Variants in EOGT observed in about 807,000 individuals in gnomAD.
EOGT encodes the protein EGF domain-specific O-linked N-acetylglucosamine transferase.
A neutral mutation model predicts 70.5 loss-of-function variants in EOGT; 55 were observed. The ratio of observed to expected loss-of-function variants is 0.78; its 90% CI spans 0.63 to 0.98. The LOEUF is 0.98. Among genes scored for constraint, EOGT ranks in the 50% least tolerant of loss-of-function variants. EOGT has a pLI of 0.00. For synonymous variants in EOGT, 246 were observed against 217.1 expected, an observed-to-expected ratio of 1.13 and a Z score of -1.17; for missense variants, 703 against 641.9, an observed-to-expected ratio of 1.10 and a Z score of -1.03.
In EOGT at chr3:69,001,683, T is replaced by C. The variant is rs1013190803; in HGVS notation, c.652A>G (p.Asn218Asp). The change falls in exon 9 of 18, where the codon AAC (asparagine) becomes GAC (aspartate). Residue 218 changes from asparagine (N) to aspartate (D), a missense_variant. Transcript: ENST00000383701. ...FAELQSYTQL[N>D]FRPIEDAKCD... Reference sequence around the variant, plus strand: ...TTAGCATCTTCTATAGGTCTGAAGTTGAGCTGAGTATAGCTTTGTAGCTCA... The same window carrying C: ...TTAGCATCTTCTATAGGTCTGAAGTCGAGCTGAGTATAGCTTTGTAGCTCA... The C allele has an allele frequency of 1.1e-5, 18 of 1,612,076 alleles. No individual in the cohort carries two copies. The highest frequency in any genetic ancestry group is 1.5e-5 in the Non-Finnish European group (18 of 1,179,392).
At chr3:68,999,736 A>G (rs1036127894) in intron 9 of EOGT, among the ~76,000 whole-genome samples, 2 of 152,220 alleles carry the variant, frequency 1.3e-5, no homozygotes, top group East Asian at 1.9e-4. Flanking sequence ...TAGAGCACAC[A>G]TGAGCTCTTT....
intron 7 of EOGT, among the ~76,000 whole-genome samples, chr3:69,004,890 C>T (rs1438229188): frequency 6.6e-6 from 1 of 151,906 alleles, no homozygotes; most frequent in Non-Finnish European, 1.5e-5. Context: ...GTTAGAAGAC[C>T]CCATCTCTTC....
chr3:68,979,890 C>T (rs1212320934), intron 15 of EOGT, 103 bp from the exon 16 acceptor site: 3 of 1,156,294 alleles, frequency 2.6e-6, no homozygotes, highest in African/African-American at 1.6e-5. Flanking sequence ...AAGTGTATTG[C>T]CCATTTTAAA....
intron 14 of EOGT, among the ~76,000 whole-genome samples, chr3:68,984,583 C>T (rs962114645): frequency 3.3e-5 from 5 of 152,138 alleles, no homozygotes; most frequent in African/African-American, 4.8e-5. Flanking sequence ...CAAAGTATAG[C>T]CAAAGGTGCT....
rs1391786061 is a variant in EOGT, at chr3:68,977,008, A to T, written c.*610T>A. 6.6e-6 allele frequency: 1 copy of T among 152,438 alleles called. No individual in the cohort carries two copies. The highest frequency in any genetic ancestry group is 1.5e-5 in the Non-Finnish European group (1 of 68,118). The allele number at this position is 152,438 out of a possible 1,614,324, so 9.4% of individuals were successfully genotyped here. A position where few individuals can be genotyped will look rare whatever the true frequency, so the allele number is the denominator to read the frequency against. On this transcript the variant is annotated 3_prime_UTR_variant, in exon 18 of 18. Transcript: ENST00000383701. ...AACTCCGTCTCTATCAAAAATACAAAAATCAACTGGGCGTGGTGGTGCACG... is the reference window on the plus strand; with the variant it reads ...AACTCCGTCTCTATCAAAAATACAATAATCAACTGGGCGTGGTGGTGCACG...
intron 3 of EOGT, among the ~76,000 whole-genome samples, chr3:69,011,193 C>CTTTTTTTTTTTTTTTTTTTT (rs57904466): frequency 2.6e-5 from 3 of 113,298 alleles, no homozygotes; most frequent in Non-Finnish European, 3.4e-5. Context: ...GATCTTTGTT[C>CTTTTTTTTTTTTTTTTTTTT]TTTTTTTTTT....
intron 10 of EOGT, among the ~76,000 whole-genome samples, chr3:68,989,862 G>A (rs970138587): frequency 4.0e-5 from 6 of 151,452 alleles, no homozygotes; most frequent in Admixed American, 4.0e-4. Context: ...GATCACTTGA[G>A]CCTTGAAGTT....
At chr3:69,001,016 G>T (rs572225978) in intron 9 of EOGT, among the ~76,000 whole-genome samples, 11 of 151,394 alleles carry the variant, frequency 7.3e-5, no homozygotes, top group Non-Finnish European at 1.2e-4. Flanking sequence ...GAGTGCAGCG[G>T]CACGATCTTG....
intron 16 of EOGT, 23 bp downstream of exon 16, chr3:68,979,645 T>C: frequency 6.2e-7 from 1 of 1,611,702 alleles, no homozygotes; most frequent in Admixed American, 1.7e-5. Flanking sequence ...TGCTTCAGTG[T>C]AAAACTGCCT....
intron 2 of EOGT, 67 bp downstream of exon 2, chr3:69,012,448 C>A (rs1331881744): frequency 6.6e-6 from 1 of 152,352 alleles, no homozygotes; most frequent in African/African-American, 2.4e-5. Flanking sequence ...TTGTTATGAC[C>A]AAGCCCTGAC....
chr3:69,005,117 G>A (rs773145957), intron 7 of EOGT, 23 bp downstream of exon 7: 3 of 1,257,890 alleles, frequency 2.4e-6, no homozygotes, highest in Non-Finnish European at 3.4e-6. Context: ...TATACTAGAT[G>A]TTAACATTAA....
In EOGT at chr3:68,975,548, C is replaced by A. The variant is rs910169983; in HGVS notation, c.*2070G>T. ...ACAAACGGTGAAACTTTTTTCAGAT[C>A]ATTTTTTCAGAAGTCAATGCCTTGC... On this transcript the variant is annotated 3_prime_UTR_variant, in exon 18 of 18. Transcript: ENST00000383701. The A allele has an allele frequency of 6.6e-6, 1 of 152,214 alleles. No homozygotes were observed. Among genetic ancestry groups the A allele is most frequent in the African/African-American group, 2.4e-5 (1 of 41,334 alleles). 9.4% of individuals were successfully genotyped at this position (152,214 alleles called of 1,614,324 possible). A position where few individuals can be genotyped will look rare whatever the true frequency, so the allele number is the denominator to read the frequency against.
At chr3:68,984,641 G>A (rs2090752685) in intron 14 of EOGT, among the ~76,000 whole-genome samples, 1 of 152,128 alleles carries the variant, frequency 6.6e-6, no homozygotes, top group South Asian at 2.1e-4. Flanking sequence ...CAATCCTCAA[G>A]AAAGAAGCAG....
intron 17 of EOGT, 108 bp from the exon 18 acceptor site, chr3:68,977,872 A>G: frequency 8.6e-7 from 1 of 1,162,982 alleles, no homozygotes; most frequent in Non-Finnish European, 1.2e-6. Flanking sequence ...TATGTTCTAC[A>G]TCAGAGACCA....
intron 15 of EOGT, 67 bp downstream of exon 15, chr3:68,982,744 T>C: frequency 8.3e-7 from 1 of 1,207,486 alleles, no homozygotes; most frequent in East Asian, 2.5e-5. Context: ...GGAAAAATGC[T>C]TTCTAGCCCC....
chr3:69,007,932 A>C (rs1333560550), intron 5 of EOGT, 111 bp from the exon 6 acceptor site: 1 of 691,348 alleles, frequency 1.4e-6, no homozygotes, highest in African/African-American at 1.9e-5. Context: ...TAATTTTGTT[A>C]CAGTATATTA....
chr3:68,999,522 AC>A (rs1215868062), intron 9 of EOGT, among the ~76,000 whole-genome samples: 3 of 152,216 alleles, frequency 2.0e-5, no homozygotes, highest in Admixed American at 6.5e-5. Context: ...AAATATTCTG[AC>A]TTCATTCCCA....
intron 10 of EOGT, among the ~76,000 whole-genome samples, chr3:68,989,852 G>A (rs1358872790): frequency 1.3e-5 from 2 of 151,326 alleles, no homozygotes; most frequent in Non-Finnish European, 2.9e-5. Context: ...AAAGTGGGAG[G>A]ATCACTTGAG....
At chr3:68,990,901 GAAA>G (rs10576244) in intron 10 of EOGT, among the ~76,000 whole-genome samples, 25 of 132,482 alleles carry the variant, frequency 1.9e-4, no homozygotes, top group East Asian at 4.4e-4. Context: ...TGTTAGATGT[GAAA>G]AAAAAAAAAA....
Sources: allele counts gnomAD v4.1 joint callset (sites outside exome capture counted in the v4.1 genomes callset), GRCh38; gene constraint gnomAD v4.1.1; transcripts MANE v1.5; gene names NCBI Gene and HGNC (gene_info 2026-07-23, HGNC 2026-07-21).